The following FANCD2 variants were observed in gnomAD, a reference collection of about 807,000 sequenced individuals.
FANCD2 encodes the protein Fanconi anemia group D2 protein.
FANCD2 carries 131 observed loss-of-function variants against 192.3 expected under a neutral mutation model. The observed-to-expected ratio is 0.68, with a 90% CI of 0.59 to 0.79. The LOEUF is 0.79. Among genes scored for constraint, FANCD2 ranks in the 30% least tolerant of loss-of-function variants. The pLI, the probability that FANCD2 is intolerant of heterozygous loss-of-function variation, is 0.00. For missense variants in FANCD2, 1,508 were observed against 1,701.6 expected (o/e 0.89, Z 2.00); for synonymous variants, 524 against 612.5 (o/e 0.86, Z 2.13).
chr3:10,090,359 C>CTCAGATGAT lies in FANCD2; in HGVS notation c.3751_3752insTCAGATGAT (p.Pro1251delinsLeuArgTer). ...AGAGAAGACGGTGAAAAAAATTGAG[C>CTCAGATGAT]CTGGCACAGCAGCAGACTCGCAGCA... On this transcript the variant is annotated stop_gained and protein_altering_variant, in exon 37 of 44. Transcript: ENST00000675286. LOFTEE classifies it high-confidence loss of function. 6.2e-7 allele frequency: 1 copy of CTCAGATGAT among 1,611,400 alleles called. No homozygotes were observed. The highest frequency in any genetic ancestry group is 8.5e-7 in the Non-Finnish European group (1 of 1,179,068).
chr3:10,077,980 C>T, intron 29 of FANCD2, 101 bp from the exon 30 acceptor site: 1 of 840,122 alleles, frequency 1.2e-6, no homozygotes, highest in South Asian at 1.3e-5. Flanking sequence ...GCTGGAATAG[C>T]TATGATCTTG....
intron 6 of FANCD2, 40 bp downstream of exon 6, chr3:10,035,273 G>A (rs555626508): frequency 3.9e-6 from 6 of 1,546,662 alleles, no homozygotes; most frequent in Non-Finnish European, 4.5e-6. Context: ...TGATGGAAGA[G>A]GTTTGTGGTG....
intron 37 of FANCD2, among the ~76,000 whole-genome samples, chr3:10,091,012 C>T (rs1243914948): frequency 1.3e-5 from 2 of 151,824 alleles, no homozygotes; most frequent in East Asian, 1.9e-4. Context: ...CTAACCAGAA[C>T]GGAGCTAGAC....
chr3:10,078,766 C>G (rs1040679787), intron 30 of FANCD2, among the ~76,000 whole-genome samples: 3 of 151,932 alleles, frequency 2.0e-5, no homozygotes, highest in African/African-American at 7.2e-5. Context: ...GAGTTCAAGA[C>G]CAGCCTGGCC....
intron 26 of FANCD2, among the ~76,000 whole-genome samples, chr3:10,071,911 C>A (rs1693272696): frequency 6.6e-6 from 1 of 151,300 alleles, no homozygotes; most frequent in Non-Finnish European, 1.5e-5. Flanking sequence ...AAGTGTGCAC[C>A]ACCACACCCA....
At chr3:10,060,572 T>G (rs1249666887) in intron 19 of FANCD2, among the ~76,000 whole-genome samples, 169 bp downstream of exon 19, 1 of 152,230 alleles carries the variant, frequency 6.6e-6, no homozygotes, top group Non-Finnish European at 1.5e-5. Flanking sequence ...TATATTACCA[T>G]GTATATGTTT....
intron 36 of FANCD2, among the ~76,000 whole-genome samples, chr3:10,089,883 G>A (rs756935992): frequency 1.3e-5 from 2 of 152,156 alleles, no homozygotes; most frequent in Non-Finnish European, 2.9e-5. Flanking sequence ...AGTTTATAAA[G>A]CACTTTCACT....
intron 18 of FANCD2, among the ~76,000 whole-genome samples, chr3:10,055,832 T>C (rs575292685): frequency 6.6e-6 from 1 of 151,638 alleles, no homozygotes; most frequent in Non-Finnish European, 1.5e-5. Context: ...TAATAATAAA[T>C]AAATAAATAA....
rs939135651 is a variant in FANCD2 at position 10,031,278 on chromosome 3, C to T, written c.65-1554C>T. Among the ~76,000 whole-genome samples the T allele has an allele frequency of 1.8e-4, 27 of 152,186 alleles. No individual in the cohort carries two copies. In the South Asian group the frequency reaches 3.1e-3, roughly 18 times the overall value. ...CAGCACTTTGGGTGGCCAAGGCGGG[C>T]AGATCACGAGGTCAGGAGATTGAGA... is the stretch of plus-strand genomic sequence containing the variant. On this transcript the variant is annotated intron_variant, in intron 2 of 43. Coordinates refer to ENST00000675286, the MANE Select transcript of FANCD2 (RefSeq NM_001018115.3).
chr3:10,099,027 G>T (rs563307388), intron 43 of FANCD2: 3 of 1,610,384 alleles, frequency 1.9e-6, no homozygotes, highest in African/African-American at 2.7e-5. Flanking sequence ...TGAGTATCTC[G>T]AGTTGTGGCA....
chr3:10,039,666 GTCTT>G (rs1332606516), intron 8 of FANCD2, 51 bp from the exon 9 acceptor site: 2 of 1,607,218 alleles, frequency 1.2e-6, no homozygotes, highest in African/African-American at 2.7e-5. Flanking sequence ...CACGTAGGTA[GTCTT>G]TCTTTATTCT....
chr3:10,032,566 T>G (rs1159414387), intron 2 of FANCD2: 1 of 389,028 alleles, frequency 2.6e-6, no homozygotes, highest in African/African-American at 2.1e-5. Flanking sequence ...CTTGGCCTCC[T>G]AATTTGCTGG....
intron 32 of FANCD2, among the ~76,000 whole-genome samples, chr3:10,082,994 A>C (rs1693939266): frequency 6.6e-6 from 1 of 152,224 alleles, no homozygotes; most frequent in African/African-American, 2.4e-5. Context: ...TGGGAGGCCA[A>C]GGTGGGTGGA....
chr3:10,095,786 C>G (rs139114811), intron 41 of FANCD2, among the ~76,000 whole-genome samples: 1 of 152,136 alleles, frequency 6.6e-6, no homozygotes, highest in Non-Finnish European at 1.5e-5. Context: ...CCCTAGAGTT[C>G]TGCAGTCACT....
chr3:10,046,129 C>T (rs576985969), intron 14 of FANCD2, among the ~76,000 whole-genome samples: 2 of 149,392 alleles, frequency 1.3e-5, no homozygotes, highest in South Asian at 4.2e-4. Context: ...TCTCGGCTCA[C>T]TGTAAGCTCT....
At chr3:10,053,573 TTTG>T (rs1419150951) in intron 18 of FANCD2, among the ~76,000 whole-genome samples, 1 of 151,850 alleles carries the variant, frequency 6.6e-6, no homozygotes, top group Non-Finnish European at 1.5e-5. Flanking sequence ...AAAAAATTTT[TTTG>T]TATTCTCAGT....
intron 28 of FANCD2, among the ~76,000 whole-genome samples, chr3:10,073,767 A>C (rs1345299366): frequency 6.6e-6 from 1 of 151,932 alleles, no homozygotes; most frequent in Non-Finnish European, 1.5e-5. Context: ...CATTTATTGT[A>C]TATTTATTAG....
chr3:10,050,185 A>G (rs1017642052), intron 17 of FANCD2, among the ~76,000 whole-genome samples: 1 of 152,200 alleles, frequency 6.6e-6, no homozygotes, highest in East Asian at 1.9e-4. Context: ...ATAACTCAGT[A>G]GGCTATATGA....
chr3:10,087,396 C>A, intron 34 of FANCD2, 132 bp downstream of exon 34: 1 of 822,602 alleles, frequency 1.2e-6, no homozygotes. Context: ...GGCCCTCTTG[C>A]TATACCAAGA....
Sources: gnomAD v4.1 joint callset for allele counts (sites outside exome capture counted in the v4.1 genomes callset) on GRCh38, gnomAD v4.1.1 for gene constraint, MANE v1.5 for transcripts, NCBI Gene and HGNC (gene_info 2026-07-23, HGNC 2026-07-21) for gene names.